Variants in RSPRY1 observed in about 807,000 individuals in gnomAD.
RSPRY1 encodes RING finger and SPRY domain-containing protein 1.
RSPRY1 carries 23 observed loss-of-function variants against 73.1 expected under a neutral mutation model. The observed-to-expected ratio is 0.31, with a 90% CI of 0.23 to 0.45. The LOEUF (loss-of-function observed/expected upper bound fraction) is 0.45, where lower values mean the gene tolerates loss of function less well. Among genes scored for constraint, RSPRY1 ranks in the 20% least tolerant of loss-of-function variants. RSPRY1 has a pLI of 1.00. For missense variants in RSPRY1, 448 were observed against 698.7 expected, an observed-to-expected ratio of 0.64 and a Z score of 4.05; for synonymous variants, 226 against 251.4, an observed-to-expected ratio of 0.90 and a Z score of 0.95.
At chr16:57,228,225 G>C (rs2075149296) in intron 11 of RSPRY1, among the ~76,000 whole-genome samples, 2 of 148,802 alleles carry the variant, frequency 1.3e-5, no homozygotes, top group South Asian at 4.3e-4. Flanking sequence ...ATGAGCCGAG[G>C]TTGCGCCACT....
At chr16:57,197,863 A>G (rs562557920) in intron 1 of RSPRY1, among the ~76,000 whole-genome samples, 2 of 150,894 alleles carry the variant, frequency 1.3e-5, no homozygotes, top group African/African-American at 4.9e-5. Context: ...ATCTGGGACC[A>G]CAGGTGTGCA....
Position 57,222,095 on chromosome 16 carries a change from T to G in RSPRY1, c.1161+680T>G, listed in dbSNP as rs144555215. Among the ~76,000 whole-genome samples the G allele has an allele frequency of 4.7e-3, 723 of 152,320 alleles. 7 individuals carry two copies. The highest frequency in any genetic ancestry group is 0.016 in the African/African-American group (672 of 41,580). The stretch of plus-strand genomic sequence containing the variant: ...CAGTTTTGATCAGGAATATTTTGTT[T>G]TCATATGGTTTCTACCATTTGAGGT... On this transcript the variant is annotated intron_variant, in intron 10 of 14. Transcript: ENST00000394420.
At chr16:57,201,946 G>A (rs916919836) in intron 1 of RSPRY1, among the ~76,000 whole-genome samples, 6 of 152,186 alleles carry the variant, frequency 3.9e-5, no homozygotes, top group African/African-American at 2.4e-5. Flanking sequence ...GGGGGAGACC[G>A]TGGAAAGAGA....
At chr16:57,218,601 G>GT (rs2074978456) in intron 8 of RSPRY1, among the ~76,000 whole-genome samples, 1 of 150,934 alleles carries the variant, frequency 6.6e-6, no homozygotes, top group Non-Finnish European at 1.5e-5. Context: ...GTCTTTCTGT[G>GT]CCTGACTTAT....
chr16:57,215,534 G>A (rs1278033455), intron 6 of RSPRY1, among the ~76,000 whole-genome samples: 1 of 152,116 alleles, frequency 6.6e-6, no homozygotes, highest in Non-Finnish European at 1.5e-5. Flanking sequence ...TCCTTAAAGG[G>A]GAACTCATGT....
rs901568814 is a variant in RSPRY1 at position 57,227,463 on chromosome 16, C to T, written c.1273+10C>T. 14 of 1,578,680 alleles carry T rather than the reference C, an allele frequency of 8.9e-6. No individual in the cohort carries two copies. The Admixed American group carries it at 2.3e-4, about 26-fold the overall frequency. ...CCATGCTGGAAAGAAGGTATTCATTCCCTCCATTATAAATTTATCAAGTGG... is the reference window on the plus strand; with the variant it reads ...CCATGCTGGAAAGAAGGTATTCATTTCCTCCATTATAAATTTATCAAGTGG... On this transcript the variant is annotated intron_variant, in intron 11 of 14. Coordinates refer to ENST00000394420, the MANE Select transcript of RSPRY1 (RefSeq NM_133368.3).
upstream of RSPRY1, chr16:57,186,160 C>T: frequency 1.0e-6 from 1 of 985,682 alleles, no homozygotes; most frequent in Non-Finnish European, 1.2e-6. Context: ...CCATTCACGC[C>T]TCAGGATGAG....
Position 57,194,364 on chromosome 16 carries a change from T to C in RSPRY1, c.-156+7913T>C, listed in dbSNP as rs552687659. ...GGTGGTGGGTATATAGTTCACAGTT[T>C]ACAGTGAACTCTAATTCAATTTTCT... On this transcript the variant is annotated intron_variant, in intron 1 of 14. Coordinates refer to ENST00000394420, the MANE Select transcript of RSPRY1 (RefSeq NM_133368.3). 1.8e-4 allele frequency among the ~76,000 whole-genome samples: 27 copies of C among 152,328 alleles called. No individual in the cohort carries two copies. The South Asian group carries it at 5.6e-3, about 32-fold the overall frequency.
chr16:57,203,173 G>C (rs1597874311), intron 1 of RSPRY1, among the ~76,000 whole-genome samples: 1 of 152,034 alleles, frequency 6.6e-6, no homozygotes. Flanking sequence ...GGCAGCACCT[G>C]TAGTCCCAGT....
intron 5 of RSPRY1, 68 bp downstream of exon 5, chr16:57,213,166 A>G (rs569021170): frequency 2.9e-5 from 43 of 1,463,732 alleles, no homozygotes; most frequent in South Asian, 2.6e-4. Flanking sequence ...TTTGTACTGT[A>G]TGTCTTTGAT....
chr16:57,202,878 T>TTTTATATATATATATATATATATA (rs1237175240), intron 1 of RSPRY1, among the ~76,000 whole-genome samples: 4 of 131,638 alleles, frequency 3.0e-5, no homozygotes, highest in African/African-American at 1.1e-4. Context: ...TTACATATGA[T>TTTTATATATATATATATATATATA]TATATATATA....
intron 14 of RSPRY1, among the ~76,000 whole-genome samples, chr16:57,238,238 G>A (rs1028131191): frequency 7.9e-5 from 12 of 152,116 alleles, no homozygotes; most frequent in African/African-American, 2.9e-4. Context: ...GTATTGTAAA[G>A]GTGACAGTTT....
intron 6 of RSPRY1, among the ~76,000 whole-genome samples, chr16:57,215,309 A>G (rs529452408): frequency 5.9e-5 from 9 of 152,346 alleles, no homozygotes; most frequent in African/African-American, 2.2e-4. Context: ...CTGAAAAGCC[A>G]GGCAGAGGGA....
At chr16:57,216,194 C>T in intron 7 of RSPRY1, 21 bp downstream of exon 7, 1 of 1,543,672 alleles carries the variant, frequency 6.5e-7, no homozygotes, top group Non-Finnish European at 8.9e-7. Flanking sequence ...TGACTTCTTG[C>T]ACTAATGATC....
intron 10 of RSPRY1, among the ~76,000 whole-genome samples, chr16:57,223,470 G>A (rs1354371282): frequency 6.6e-6 from 1 of 152,182 alleles, no homozygotes; most frequent in Non-Finnish European, 1.5e-5. Flanking sequence ...GGTGTACTCT[G>A]ATTTATCTAA....
intron 2 of RSPRY1, among the ~76,000 whole-genome samples, chr16:57,207,123 G>A (rs542406922): frequency 6.6e-6 from 1 of 152,290 alleles, no homozygotes; most frequent in East Asian, 1.9e-4. Flanking sequence ...TTTTGGACCT[G>A]TGTAAAAATT....
intron 1 of RSPRY1, among the ~76,000 whole-genome samples, chr16:57,199,409 T>C (rs1306183930): frequency 1.3e-5 from 2 of 152,102 alleles, no homozygotes; most frequent in Admixed American, 6.5e-5. Flanking sequence ...GGAGAATCAC[T>C]TGAACGTGGG....
At chr16:57,208,400 A>ATATATTTTTTT (rs1472775482) in intron 3 of RSPRY1, among the ~76,000 whole-genome samples, 1 of 50,132 alleles carries the variant, frequency 2.0e-5, no homozygotes, top group Non-Finnish European at 3.4e-5. Flanking sequence ...ATATATATAT[A>ATATATTTTTTT]TTTTTTTTTT....
intron 13 of RSPRY1, among the ~76,000 whole-genome samples, chr16:57,232,284 C>T (rs1567516588): frequency 6.6e-6 from 1 of 152,152 alleles, no homozygotes; most frequent in Non-Finnish European, 1.5e-5. Flanking sequence ...ATCACTGTCT[C>T]AGTGGTTCAA....
Sources: allele counts gnomAD v4.1 joint callset (sites outside exome capture counted in the v4.1 genomes callset), GRCh38; gene constraint gnomAD v4.1.1; transcripts MANE v1.5; gene names NCBI Gene and HGNC (gene_info 2026-07-23, HGNC 2026-07-21).